TRAF3IP2: variants seen among roughly 807,000 people sequenced by gnomAD.
TRAF3IP2 encodes TRAF3 interacting protein 2.
Under a neutral mutation model 57.9 loss-of-function variants are expected in TRAF3IP2, and 35 were observed. The ratio of observed to expected loss-of-function variants is 0.60; its 90% CI spans 0.46 to 0.80. TRAF3IP2 has a LOEUF of 0.80. Ranked by LOEUF, TRAF3IP2 falls within the 30% of genes least tolerant of loss-of-function variation. TRAF3IP2 has a pLI of 0.00. For missense variants in TRAF3IP2, 556 were observed against 706.4 expected, an observed-to-expected ratio of 0.79 and a Z score of 2.41; for synonymous variants, 251 against 268.9, an observed-to-expected ratio of 0.93 and a Z score of 0.65.
chr6:111,599,805 G>A (rs1796810765), intron 1 of TRAF3IP2: 1 of 152,176 alleles, frequency 6.6e-6, no homozygotes, highest in Admixed American at 6.5e-5. Flanking sequence ...GTCTCTCCCA[G>A]GGCACACATG....
chr6:111,572,310 G>A (rs1177692382), intron 5 of TRAF3IP2, among the ~76,000 whole-genome samples: 1 of 152,144 alleles, frequency 6.6e-6, no homozygotes, highest in Non-Finnish European at 1.5e-5. Context: ...TGCAGGGCTG[G>A]GTGAGGTCAG....
intron 5 of TRAF3IP2, among the ~76,000 whole-genome samples, chr6:111,571,207 C>G (rs1795820005): frequency 6.6e-6 from 1 of 152,036 alleles, no homozygotes; most frequent in Non-Finnish European, 1.5e-5. Flanking sequence ...TCCCAAGTAG[C>G]TGGGACTACA....
At chr6:111,604,141 A>T (rs1374567381) in intron 1 of TRAF3IP2, among the ~76,000 whole-genome samples, 1 of 152,222 alleles carries the variant, frequency 6.6e-6, no homozygotes, top group African/African-American at 2.4e-5. Context: ...AGAAACCAAA[A>T]GTCCTGCACC....
chr6:111,603,024 C>T (rs1796918483), intron 1 of TRAF3IP2, among the ~76,000 whole-genome samples: 1 of 152,114 alleles, frequency 6.6e-6, no homozygotes. Flanking sequence ...GGAAGCCCAC[C>T]CTTCTTCAGC....
At position 111,591,220 on chromosome 6, in the gene TRAF3IP2, C is replaced by G; in HGVS notation, c.829+38G>C. 4 of 1,435,694 alleles carry G rather than the reference C, an allele frequency of 2.8e-6. No individual in the cohort carries two copies. Among genetic ancestry groups the G allele is most frequent in the Non-Finnish European group, 3.7e-6 (4 of 1,084,840 alleles). The allele number at this position is 1,435,694 out of a possible 1,614,324, so 88.9% of individuals were successfully genotyped here. ...GTGAGGCCCTTGTTTCTTCAGTCAC[C>G]CAGCCCAGAATGCCCAGAGGAGGTA... is the stretch of plus-strand genomic sequence containing the variant. On this transcript the variant is annotated intron_variant, in intron 2 of 8. Coordinates refer to ENST00000368761, the MANE Select transcript of TRAF3IP2 (RefSeq NM_147686.4). This position sits in a 1 kb window ranked among gnomAD's most constrained non-coding sequence, Gnocchi z 4.9.
chr6:111,578,113 T>C (rs1796045141), intron 3 of TRAF3IP2, among the ~76,000 whole-genome samples: 1 of 152,228 alleles, frequency 6.6e-6, no homozygotes, highest in South Asian at 2.1e-4. Flanking sequence ...CCAATTACTC[T>C]GTATTATCTT....
At chr6:111,579,866 G>A (rs760563) in intron 3 of TRAF3IP2, among the ~76,000 whole-genome samples, 130,202 of 152,302 alleles carry the variant, frequency 0.85, 56,201 homozygotes, top group East Asian at 1. Context: ...GAAGTCAGTC[G>A]TAGTAAAATC....
intron 1 of TRAF3IP2, chr6:111,601,038 C>CAA (rs1177110791): frequency 5.6e-6 from 3 of 538,730 alleles, no homozygotes; most frequent in Admixed American, 5.5e-5. Context: ...AGCTGTGATT[C>CAA]AAATATAAGC....
intron 7 of TRAF3IP2, among the ~76,000 whole-genome samples, chr6:111,564,718 G>A (rs1795568933): frequency 6.6e-6 from 1 of 152,180 alleles, no homozygotes; most frequent in Admixed American, 6.5e-5. Flanking sequence ...AACCAAGTTT[G>A]GCGACAGTTT....
chr6:111,569,473 C>T (rs983110589), intron 5 of TRAF3IP2, among the ~76,000 whole-genome samples: 1 of 152,150 alleles, frequency 6.6e-6, no homozygotes, highest in Non-Finnish European at 1.5e-5. Flanking sequence ...GATAATTGGC[C>T]GGGCGTGGTG....
intron 1 of TRAF3IP2, among the ~76,000 whole-genome samples, chr6:111,595,893 A>C (rs1244652179): frequency 6.6e-6 from 1 of 152,194 alleles, no homozygotes; most frequent in South Asian, 2.1e-4. Flanking sequence ...AGACACAGAA[A>C]ACATTCTTCC....
At chr6:111,575,886 A>G in intron 3 of TRAF3IP2, 65 bp from the exon 4 acceptor site, 1 of 1,481,120 alleles carries the variant, frequency 6.8e-7, no homozygotes, top group Middle Eastern at 2.0e-4. Context: ...AGGGACAGAA[A>G]GACTTTTAGA....
chr6:111,598,153 C>A, intron 1 of TRAF3IP2: 1 of 256,336 alleles, frequency 3.9e-6, no homozygotes, highest in South Asian at 4.3e-5. Context: ...AGGCCCCACA[C>A]CCAGGGCCTC....
intron 3 of TRAF3IP2, among the ~76,000 whole-genome samples, chr6:111,578,467 C>T (rs1046462217): frequency 1.3e-5 from 2 of 151,930 alleles, no homozygotes; most frequent in Non-Finnish European, 2.9e-5. Flanking sequence ...AAAGTGAGAC[C>T]CCTTCTCTGC....
chr6:111,588,143 G>T (rs1225737848), intron 2 of TRAF3IP2, among the ~76,000 whole-genome samples: 1 of 152,146 alleles, frequency 6.6e-6, no homozygotes, highest in African/African-American at 2.4e-5. Flanking sequence ...CAAGGAAAAG[G>T]TATCTTTAAG....
At chr6:111,571,005 C>T (rs1044177196) in intron 5 of TRAF3IP2, among the ~76,000 whole-genome samples, 6 of 152,024 alleles carry the variant, frequency 3.9e-5, no homozygotes, top group Non-Finnish European at 8.8e-5. Context: ...CTCCCAGGTT[C>T]AAGCAATTCT....
rs1796504626 is a variant in TRAF3IP2, at chr6:111,591,341, T to C, written c.746A>G (p.Gln249Arg). 8 of 1,526,410 alleles carry C rather than the reference T, an allele frequency of 5.2e-6. No homozygotes were observed. Among genetic ancestry groups the C allele is most frequent in the Non-Finnish European group, 5.3e-6 (6 of 1,139,530 alleles). 94.6% of individuals were successfully genotyped at this position (1,526,410 alleles called of 1,614,324 possible). A position where few individuals can be genotyped will look rare whatever the true frequency, so the allele number is the denominator to read the frequency against. Residue 249 changes from glutamine to arginine, a missense_variant, in exon 2 of 9, where the codon CAG becomes CGG. Physicochemically the swap from Gln to Arg is conservative, Grantham distance 43. Around this residue, in one of 2 missense-constraint regions of TRAF3IP2, gnomAD observed 428 missense variants for 498.7 expected, o/e 0.86. Transcript: ENST00000368761. The surrounding 1 kb of genome is among the most constrained non-coding windows in gnomAD (Gnocchi z 4.9). Reference sequence around the variant, plus strand: ...TGGGGAAAGATTGGGAGGCAGCATCTGTGCACATGCTGGATACCTCTGAGG... The same window carrying C: ...TGGGGAAAGATTGGGAGGCAGCATCCGTGCACATGCTGGATACCTCTGAGG... ...FEPQRYPACA[Q>R]MLPPNLSPHA...
intron 6 of TRAF3IP2, chr6:111,567,121 G>A: frequency 2.1e-6 from 2 of 951,750 alleles, no homozygotes; most frequent in Non-Finnish European, 2.5e-6. Flanking sequence ...CACGCTGGCA[G>A]CAATCAATTT....
At chr6:111,560,760 A>G (rs951569343) in intron 8 of TRAF3IP2, among the ~76,000 whole-genome samples, 2 of 152,254 alleles carry the variant, frequency 1.3e-5, no homozygotes, top group East Asian at 3.8e-4. Flanking sequence ...TATTTTGTAT[A>G]TCGCCATGCT....
Sources: gnomAD v4.1 joint callset for allele counts (sites outside exome capture counted in the v4.1 genomes callset) on GRCh38, gnomAD v4.1.1 for gene constraint, gnomAD v4.1.1 regional missense constraint, Gnocchi (gnomAD v3.1) non-coding constraint, MANE v1.5 for transcripts, NCBI Gene and HGNC (gene_info 2026-07-23, HGNC 2026-07-21) for gene names.